Variants in PRKCZ observed in about 807,000 individuals in gnomAD.
PRKCZ encodes the protein protein kinase C zeta type.
In PRKCZ, 33 loss-of-function variants were observed where a neutral mutation model predicts 79.5. The ratio of observed to expected loss-of-function variants is 0.41; its 90% confidence interval spans 0.31 to 0.55. PRKCZ has a LOEUF of 0.55. Among genes scored for constraint, PRKCZ ranks in the 20% least tolerant of loss-of-function variants. The probability of loss-of-function intolerance (pLI) is 0.19; values close to 1 mark genes in which losing one functional copy is unlikely to be tolerated. For missense variants in PRKCZ, 578 were observed against 813.5 expected, an observed-to-expected ratio of 0.71 and a Z score of 3.52; for synonymous variants, 342 against 320.9, an observed-to-expected ratio of 1.07 and a Z score of -0.70.
chr1:2,093,336 G>A (rs1227573785), intron 4 of PRKCZ, among the ~76,000 whole-genome samples: 1 of 152,174 alleles, frequency 6.6e-6, no homozygotes, highest in Admixed American at 6.5e-5. Context: ...CTCTTGGCGG[G>A]CGGCTAGTGT....
chr1:2,108,794 C>T (rs925401718), intron 4 of PRKCZ, among the ~76,000 whole-genome samples: 2 of 152,200 alleles, frequency 1.3e-5, no homozygotes, highest in African/African-American at 2.4e-5. Flanking sequence ...TAACAGTGGC[C>T]GCCACTGGGG....
At chr1:2,072,012 A>G (rs1661640174) in intron 4 of PRKCZ, among the ~76,000 whole-genome samples, 1 of 152,242 alleles carries the variant, frequency 6.6e-6, no homozygotes, top group Non-Finnish European at 1.5e-5. Flanking sequence ...TCAGCCAATT[A>G]AAAGCGTAGA....
At chr1:2,169,438 G>T in intron 10 of PRKCZ, 80 bp from the exon 11 acceptor site, 1 of 1,291,650 alleles carries the variant, frequency 7.7e-7, no homozygotes, top group Non-Finnish European at 1.1e-6. Context: ...GCCCACGAAG[G>T]CCGCTTCTGT....
intron 4 of PRKCZ, among the ~76,000 whole-genome samples, chr1:2,095,708 C>T (rs1352313342): frequency 6.7e-6 from 1 of 149,966 alleles, no homozygotes. Context: ...AGCTCCCCTC[C>T]CCTCCCCTCC....
chr1:2,114,592 G>T (rs559250789), intron 4 of PRKCZ, among the ~76,000 whole-genome samples: 1 of 152,262 alleles, frequency 6.6e-6, no homozygotes, highest in African/African-American at 2.4e-5. Flanking sequence ...TGGCTAACAC[G>T]GTGAAATCCA....
In PRKCZ at chr1:2,082,934, G is replaced by A. The variant is rs1019857792; in HGVS notation, c.334+23343G>A. ...GAGGGCGCGAGAGGGTGGAGGGGCG[G>A]CATGAGGGAGCAAGCCACCTCGGGC... On this transcript the variant is annotated intron_variant, in intron 4 of 17. Coordinates refer to ENST00000378567, the MANE Select transcript of PRKCZ (RefSeq NM_002744.6). This position sits in a 1 kb window ranked among gnomAD's most constrained non-coding sequence, Gnocchi z 4.4. Among the ~76,000 whole-genome samples, 5 of 152,000 alleles carry A rather than the reference G, an allele frequency of 3.3e-5. No individual in the cohort carries two copies. Among genetic ancestry groups the A allele is most frequent in the African/African-American group, 1.2e-4 (5 of 41,372 alleles).
intron 16 of PRKCZ, 74 bp downstream of exon 16, chr1:2,175,387 C>A: frequency 7.9e-7 from 1 of 1,271,868 alleles, no homozygotes; most frequent in Admixed American, 2.1e-5. Flanking sequence ...CCATCCCAAC[C>A]CCAACCCCAA....
intron 10 of PRKCZ, among the ~76,000 whole-genome samples, chr1:2,163,943 G>A (rs893087700): frequency 6.6e-6 from 1 of 152,020 alleles, no homozygotes; most frequent in Non-Finnish European, 1.5e-5. Context: ...TTGTGCAGGG[G>A]CCTCCTTGCC....
intron 9 of PRKCZ, among the ~76,000 whole-genome samples, chr1:2,153,526 C>T (rs1337169588): frequency 6.6e-6 from 1 of 152,222 alleles, no homozygotes; most frequent in African/African-American, 2.4e-5. Context: ...ACTGGCCCCT[C>T]ATCCCTGGGT....
At chr1:2,156,902 A>G (rs1681163119) in intron 10 of PRKCZ, among the ~76,000 whole-genome samples, 1 of 152,246 alleles carries the variant, frequency 6.6e-6, no homozygotes, top group East Asian at 1.9e-4. Flanking sequence ...CTCCTGAGAA[A>G]CAGAACCAGT....
chr1:2,119,785 TTTTC>T (rs1358568587), intron 4 of PRKCZ, among the ~76,000 whole-genome samples: 1 of 113,770 alleles, frequency 8.8e-6, no homozygotes, highest in Non-Finnish European at 1.7e-5. Flanking sequence ...ATTTCTTTTC[TTTTC>T]TTTTTTTTTT....
intron 11 of PRKCZ, chr1:2,171,779 T>C: frequency 2.3e-6 from 1 of 435,542 alleles, no homozygotes; most frequent in East Asian, 4.3e-5. Flanking sequence ...GAAGCTGTCG[T>C]GTTATTTGCC....
chr1:2,063,479 A>C (rs1488078194), intron 4 of PRKCZ, among the ~76,000 whole-genome samples: 1 of 151,736 alleles, frequency 6.6e-6, no homozygotes, highest in Non-Finnish European at 1.5e-5. Context: ...CGCCCAGCTA[A>C]TTTTTGTACT....
intron 4 of PRKCZ, chr1:2,098,356 C>G (rs572821805): frequency 6.6e-6 from 1 of 152,234 alleles, no homozygotes; most frequent in Admixed American, 6.5e-5. Flanking sequence ...GGAGCGGTGC[C>G]GCTGGCCTGT....
chr1:2,074,004 G>GTGC, intron 4 of PRKCZ: 11 of 1,421,122 alleles, frequency 7.7e-6, no homozygotes, highest in Non-Finnish European at 1.0e-5. Context: ...GGCCCTGTGC[G>GTGC]TGCGGAGGAC....
chr1:2,080,329 C>CGCGTGGACGTGGCGGTGT (rs1553136447), intron 4 of PRKCZ, among the ~76,000 whole-genome samples: 3 of 152,206 alleles, frequency 2.0e-5, no homozygotes, highest in African/African-American at 7.2e-5. Context: ...AGGGGCAGTG[C>CGCGTGGACGTGGCGGTGT]GCGTGGACGT....
intron 9 of PRKCZ, 76 bp from the exon 10 acceptor site, chr1:2,155,919 C>A: frequency 7.7e-7 from 1 of 1,294,896 alleles, no homozygotes; most frequent in Non-Finnish European, 1.1e-6. Flanking sequence ...AGACTCCTCC[C>A]TTGCCTCCCC....
chr1:2,055,704 C>T, intron 2 of PRKCZ, 142 bp downstream of exon 2: 1 of 1,271,200 alleles, frequency 7.9e-7, no homozygotes, highest in Non-Finnish European at 1.1e-6. Context: ...AACTTTTCCC[C>T]AGTGGGGATG....
chr1:2,133,588 A>T (rs1349511640), intron 4 of PRKCZ: 1 of 61,672 alleles, frequency 1.6e-5, no homozygotes, highest in Admixed American at 2.4e-4. Context: ...TCCATTTTTG[A>T]CTCCGCCCCC....
Sources: gnomAD v4.1 joint callset for allele counts (sites outside exome capture counted in the v4.1 genomes callset) on GRCh38, gnomAD v4.1.1 for gene constraint, Gnocchi (gnomAD v3.1) non-coding constraint, MANE v1.5 for transcripts, NCBI Gene and HGNC (gene_info 2026-07-23, HGNC 2026-07-21) for gene names.